STK3: variants seen among roughly 807,000 people sequenced by gnomAD.
The protein encoded by STK3 is serine/threonine kinase 3.
A neutral mutation model predicts 58.0 loss-of-function variants in STK3; 41 were observed. That is an observed-to-expected ratio of 0.71 (90% CI 0.55 to 0.92). STK3 has a LOEUF of 0.92. STK3 is among the 40% of genes least tolerant of loss of function. STK3 has a pLI of 0.00. For missense variants in STK3, 479 were observed against 602.7 expected (o/e 0.79, Z 2.15); for synonymous variants, 170 against 191.0 (o/e 0.89, Z 0.91).
intron 1 of STK3, among the ~76,000 whole-genome samples, chr8:98,777,583 T>C (rs1231345098): frequency 2.0e-5 from 3 of 152,200 alleles, no homozygotes; most frequent in East Asian, 1.9e-4. Context: ...ATGAAGATGA[T>C]GTTAACATTG....
intron 3 of STK3, among the ~76,000 whole-genome samples, chr8:98,423,772 C>T (rs774704057): frequency 1.3e-5 from 2 of 152,192 alleles, no homozygotes; most frequent in South Asian, 2.1e-4. Context: ...GCAGCCCCCT[C>T]GCCTGTCAGG....
chr8:98,916,871 G>T (rs1461540992), intron 1 of STK3, among the ~76,000 whole-genome samples: 2 of 152,188 alleles, frequency 1.3e-5, no homozygotes, highest in African/African-American at 2.4e-5. Flanking sequence ...AATAAACAGG[G>T]TGGAGATGGG....
intron 10 of STK3, among the ~76,000 whole-genome samples, chr8:98,505,076 GT>G (rs768723631): frequency 3.9e-5 from 6 of 152,114 alleles, no homozygotes; most frequent in Non-Finnish European, 8.8e-5. Flanking sequence ...TTTCTTGGAG[GT>G]TTTGTTCATT....
chr8:98,778,375 A>G lies in STK3; in HGVS notation c.27-3556T>C, dbSNP rs1831855018. On this transcript the variant is annotated intron_variant, in intron 1 of 10. Transcript: ENST00000419617. ...GAATGGCAATCATTAAAAAGTCAGG[A>G]AACAACAGGTGCTGGAGAGGATGTG... Among the ~76,000 whole-genome samples, 6 of 151,576 alleles carry G rather than the reference A, an allele frequency of 4.0e-5. No homozygotes were observed. The South Asian group carries it at 1.2e-3, about 31-fold the overall frequency.
the STK3 span, among the ~76,000 whole-genome samples, chr8:98,361,951 G>A: frequency 0.59 from 89,961 of 151,998 alleles, 27,036 homozygotes; most frequent in African/African-American, 0.64. Flanking sequence ...GATCTCAGCT[G>A]AGTCCTCACT....
intron 10 of STK3, among the ~76,000 whole-genome samples, chr8:98,488,939 C>T (rs1660713116): frequency 1.3e-5 from 2 of 152,140 alleles, no homozygotes; most frequent in Non-Finnish European, 2.9e-5. Flanking sequence ...GCACCTTTCT[C>T]AAAAGATGGC....
At chr8:98,783,773 C>T (rs574916263) in intron 1 of STK3, among the ~76,000 whole-genome samples, 80 of 152,282 alleles carry the variant, frequency 5.3e-4, no homozygotes, top group Middle Eastern at 3.4e-3. Flanking sequence ...ATTCTAAATC[C>T]TTTTTTATTT....
chr8:98,834,012 T>G (rs944973466), intron 3 of STK3, among the ~76,000 whole-genome samples: 2 of 152,148 alleles, frequency 1.3e-5, no homozygotes, highest in African/African-American at 4.8e-5. Flanking sequence ...TGTGAATCTT[T>G]AAAAATTATC....
At chr8:98,761,554 T>C (rs2131412051) in intron 3 of STK3, among the ~76,000 whole-genome samples, 1 of 152,360 alleles carries the variant, frequency 6.6e-6, no homozygotes, top group East Asian at 1.9e-4. Flanking sequence ...AAGAAATGGC[T>C]ATTTTTAATT....
chr8:98,811,587 G>C (rs909802182), intron 1 of STK3, among the ~76,000 whole-genome samples: 1 of 141,974 alleles, frequency 7.0e-6, no homozygotes, highest in Non-Finnish European at 1.5e-5. Flanking sequence ...GTTTCATCTT[G>C]AATACTGTTA....
At chr8:98,680,746 C>T (rs965722595) in intron 6 of STK3, among the ~76,000 whole-genome samples, 3 of 152,082 alleles carry the variant, frequency 2.0e-5, no homozygotes, top group African/African-American at 7.2e-5. Context: ...AAGAAGGCAA[C>T]ATTTTATCCA....
intron 3 of STK3, among the ~76,000 whole-genome samples, chr8:98,838,428 C>A (rs1022975063): frequency 1.2e-4 from 18 of 152,022 alleles, no homozygotes; most frequent in Admixed American, 1.0e-3. Context: ...TACTTCTAGG[C>A]GAGGAGAGTT....
intron 1 of STK3, among the ~76,000 whole-genome samples, chr8:98,383,244 G>A (rs1161496640): frequency 6.6e-6 from 1 of 152,164 alleles, no homozygotes; most frequent in African/African-American, 2.4e-5. Context: ...AGATAGGGAG[G>A]CAAGCTTCAA....
intron 3 of STK3, among the ~76,000 whole-genome samples, chr8:98,837,380 G>T (rs953788814): frequency 7.1e-6 from 1 of 141,742 alleles, no homozygotes; most frequent in Admixed American, 7.0e-5. Context: ...AAAAAAAAAA[G>T]AAAGAAAGAA....
At chr8:98,810,105 C>T (rs1328906299) in intron 1 of STK3, among the ~76,000 whole-genome samples, 1 of 152,142 alleles carries the variant, frequency 6.6e-6, no homozygotes, top group Admixed American at 6.5e-5. Flanking sequence ...ACAACCAGAT[C>T]TCGTGAGAAC....
chr8:98,916,371 G>A (rs1211476333), intron 1 of STK3, among the ~76,000 whole-genome samples: 8 of 152,140 alleles, frequency 5.3e-5, no homozygotes, highest in African/African-American at 1.4e-4. Context: ...CTGAGATCAC[G>A]CCACTGCACT....
At chr8:98,494,100 A>G (rs1822926418) in intron 10 of STK3, among the ~76,000 whole-genome samples, 1 of 151,962 alleles carries the variant, frequency 6.6e-6, no homozygotes, top group South Asian at 2.1e-4. Context: ...GCTTGCTGTA[A>G]TTTTTCAATG....
chr8:98,925,829 G>C (rs1048356416), intron 1 of STK3, among the ~76,000 whole-genome samples: 5 of 152,176 alleles, frequency 3.3e-5, no homozygotes, highest in African/African-American at 1.2e-4. Context: ...TGGAAATGTG[G>C]TTTGGAGGAG....
At chr8:98,741,296 T>C (rs547214558) in intron 4 of STK3, among the ~76,000 whole-genome samples, 1 of 152,302 alleles carries the variant, frequency 6.6e-6, no homozygotes, top group African/African-American at 2.4e-5. Context: ...ATATACATTT[T>C]TTTCAGCACC....
Sources: gnomAD v4.1 joint callset for allele counts (sites outside exome capture counted in the v4.1 genomes callset) on GRCh38, gnomAD v4.1.1 for gene constraint, MANE v1.5 for transcripts, NCBI Gene and HGNC (gene_info 2026-07-23, HGNC 2026-07-21) for gene names.